DPYD: variants seen among roughly 807,000 people sequenced by gnomAD.
DPYD encodes the protein dihydropyrimidine dehydrogenase [NADP(+)].
DPYD carries 109 observed loss-of-function variants against 116.2 expected under a neutral mutation model. The ratio of observed to expected loss-of-function variants is 0.94; its 90% CI spans 0.80 to 1.10. The LOEUF (loss-of-function observed/expected upper bound fraction) is 1.10, where lower values mean the gene tolerates loss of function less well. Among genes scored for constraint, DPYD ranks in the 50% least tolerant of loss-of-function variants. The pLI is 0.00. For missense variants in DPYD, 1,302 were observed against 1,254.5 expected, an observed-to-expected ratio of 1.04 and a Z score of -0.57; for synonymous variants, 440 against 432.0, an observed-to-expected ratio of 1.02 and a Z score of -0.23.
intron 10 of DPYD, among the ~76,000 whole-genome samples, chr1:97,585,528 G>A (rs928067612): frequency 6.6e-6 from 1 of 151,926 alleles, no homozygotes; most frequent in Non-Finnish European, 1.5e-5. Flanking sequence ...GTATGAAAAG[G>A]TAGAATGGAA....
rs75901668 is a variant in DPYD, at chr1:97,738,485, G to A, written c.321+1907C>T. On this transcript the variant is annotated intron_variant, in intron 4 of 22. Transcript: ENST00000370192. ...AGTGACATCCTTTTCTCAAAGAGGC[G>A]CAAGGCTCATTGAGTCTGGCGATTC... is the stretch of plus-strand genomic sequence containing the variant. Among the ~76,000 whole-genome samples, 1,257 of 152,142 alleles carry A rather than the reference G, an allele frequency of 8.3e-3. 19 individuals carry two copies. Among genetic ancestry groups the A allele is most frequent in the African/African-American group, 0.028 (1,154 of 41,526 alleles).
At chr1:97,116,357 G>A (rs1415218264) in intron 20 of DPYD, among the ~76,000 whole-genome samples, 1 of 152,076 alleles carries the variant, frequency 6.6e-6, no homozygotes, top group African/African-American at 2.4e-5. Flanking sequence ...AGGAGGTCCA[G>A]ATATAAACTA....
chr1:97,382,417 C>T lies in DPYD; in HGVS notation c.1950G>A (p.Trp650Ter). 1 of 1,598,702 alleles carries T rather than the reference C, an allele frequency of 6.3e-7. No homozygotes were observed. The highest frequency in any genetic ancestry group is 8.5e-7 in the Non-Finnish European group (1 of 1,172,160). ...SIMCSYNKND[W>*]TELAKKSEDS... ...CCTCAGACTTCTTGGCAAGTTCCGTCCAGTCATTTTTATTGTAACTGCACA... is the reference window on the plus strand; with the variant it reads ...CCTCAGACTTCTTGGCAAGTTCCGTTCAGTCATTTTTATTGTAACTGCACA... The change falls in exon 15 of 23, where the codon TGG becomes TGA. Residue 650 changes from tryptophan (W) to a stop codon, truncating the protein, a stop_gained. Coordinates refer to ENST00000370192, the MANE Select transcript of DPYD (RefSeq NM_000110.4). LOFTEE classifies it high-confidence loss of function.
chr1:97,597,703 G>C (rs1305566753), intron 8 of DPYD, among the ~76,000 whole-genome samples: 1 of 152,164 alleles, frequency 6.6e-6, no homozygotes, highest in Non-Finnish European at 1.5e-5. Flanking sequence ...CCTGAGGAAG[G>C]AGAAATTCTG....
intron 5 of DPYD, among the ~76,000 whole-genome samples, chr1:97,702,338 G>T (rs140126081): frequency 2.6e-5 from 4 of 151,562 alleles, no homozygotes; most frequent in Non-Finnish European, 5.9e-5. Context: ...TATGTTTAAC[G>T]TGATCAAGGA....
intron 15 of DPYD, among the ~76,000 whole-genome samples, chr1:97,380,041 T>C (rs775843492): frequency 3.8e-4 from 58 of 152,352 alleles, no homozygotes; most frequent in Non-Finnish European, 8.4e-4. Context: ...GATTGTATAC[T>C]TCAATAAAGC....
At chr1:97,096,453 A>G (rs1650253106) in intron 21 of DPYD, among the ~76,000 whole-genome samples, 1 of 152,146 alleles carries the variant, frequency 6.6e-6, no homozygotes, top group African/African-American at 2.4e-5. Context: ...AAATTGATTA[A>G]GAAGAGAGAG....
At chr1:97,760,736 G>T (rs1665528814) in intron 3 of DPYD, among the ~76,000 whole-genome samples, 1 of 152,012 alleles carries the variant, frequency 6.6e-6, no homozygotes, top group Admixed American at 6.6e-5. Flanking sequence ...AAGACACAGG[G>T]TAGCAAGCAT....
At chr1:97,789,315 C>A (rs1331591140) in intron 3 of DPYD, among the ~76,000 whole-genome samples, 1 of 152,162 alleles carries the variant, frequency 6.6e-6, no homozygotes, top group East Asian at 1.9e-4. Flanking sequence ...TATAACTAAT[C>A]ACATGAGCTG....
intron 12 of DPYD, among the ~76,000 whole-genome samples, chr1:97,536,573 C>T (rs1035782093): frequency 1.3e-5 from 2 of 152,254 alleles, no homozygotes; most frequent in South Asian, 2.1e-4. Context: ...TCGATGATGC[C>T]CTTTCTTCAG....
chr1:97,193,345 G>T, intron 19 of DPYD, 97 bp from the exon 20 acceptor site: 1 of 1,286,922 alleles, frequency 7.8e-7, no homozygotes, highest in Non-Finnish European at 1.1e-6. Context: ...TATTTTATGT[G>T]CCAGGCACTG....
intron 7 of DPYD, among the ~76,000 whole-genome samples, chr1:97,685,970 G>A (rs1033421560): frequency 6.6e-6 from 1 of 152,092 alleles, no homozygotes; most frequent in Non-Finnish European, 1.5e-5. Context: ...CACAGAGTTA[G>A]AAAAAACTAC....
chr1:97,373,991 T>A (rs1167474896), intron 15 of DPYD, among the ~76,000 whole-genome samples: 1 of 152,186 alleles, frequency 6.6e-6, no homozygotes, highest in African/African-American at 2.4e-5. Flanking sequence ...AATGACAAGC[T>A]TAGTTATTAG....
chr1:97,677,077 A>G (rs140625083), intron 8 of DPYD, among the ~76,000 whole-genome samples: 32 of 152,328 alleles, frequency 2.1e-4, no homozygotes, highest in African/African-American at 7.5e-4. Context: ...TTAATAGTAT[A>G]AAATTAAATT....
chr1:97,243,721 AATTAG>A (rs1418421824), intron 18 of DPYD, among the ~76,000 whole-genome samples: 6 of 151,980 alleles, frequency 3.9e-5, no homozygotes, highest in Admixed American at 2.0e-4. Flanking sequence ...ATAAAAATTA[AATTAG>A]AAGTAGAATA....
At chr1:97,489,101 C>CA (rs757315180) in intron 13 of DPYD, among the ~76,000 whole-genome samples, 1 of 152,134 alleles carries the variant, frequency 6.6e-6, no homozygotes, top group Non-Finnish European at 1.5e-5. Context: ...TATTTGAGTA[C>CA]AAAAAATGTA....
At chr1:97,527,373 A>G (rs2786769) in intron 12 of DPYD, among the ~76,000 whole-genome samples, 73,620 of 151,920 alleles carry the variant, frequency 0.48, 18,304 homozygotes, top group East Asian at 0.69. Context: ...CACCATGCCC[A>G]GCTGCTGCCC....
At chr1:97,602,483 T>C (rs990696431) in intron 8 of DPYD, among the ~76,000 whole-genome samples, 9 of 151,980 alleles carry the variant, frequency 5.9e-5, no homozygotes, top group Admixed American at 2.0e-4. Context: ...ATTTGAGTGG[T>C]TGAAATTCTT....
At chr1:97,591,012 C>T (rs1472813407) in intron 10 of DPYD, among the ~76,000 whole-genome samples, 1 of 152,138 alleles carries the variant, frequency 6.6e-6, no homozygotes, top group Non-Finnish European at 1.5e-5. Context: ...CACATTCTGT[C>T]CTCTCTTACT....
Sources: allele counts gnomAD v4.1 joint callset (sites outside exome capture counted in the v4.1 genomes callset), GRCh38; gene constraint gnomAD v4.1.1; transcripts MANE v1.5; gene names NCBI Gene and HGNC (gene_info 2026-07-23, HGNC 2026-07-21).